PLCB1: variants seen among roughly 807,000 people sequenced by gnomAD.
The protein encoded by PLCB1 is 1-phosphatidylinositol 4,5-bisphosphate phosphodiesterase beta-1.
In PLCB1, 46 loss-of-function variants were observed where a neutral mutation model predicts 161.8. The ratio of observed to expected loss-of-function variants is 0.28; its 90% CI spans 0.22 to 0.36. PLCB1 has a LOEUF of 0.36. Ranked by LOEUF, PLCB1 falls within the 10% of genes least tolerant of loss-of-function variation. The pLI is 1.00. For missense variants in PLCB1, 1,016 were observed against 1,472.5 expected (o/e 0.69, Z 5.07); for synonymous variants, 517 against 503.7 (o/e 1.03, Z -0.35).
intron 2 of PLCB1, among the ~76,000 whole-genome samples, chr20:8,174,486 G>A (rs1056334673): frequency 1.3e-5 from 2 of 152,050 alleles, no homozygotes; most frequent in African/African-American, 4.8e-5. Flanking sequence ...AAACAGAAAG[G>A]AAAGTATAGA....
intron 2 of PLCB1, among the ~76,000 whole-genome samples, chr20:8,275,250 AGTGTGTGTGTGTGT>A (rs3031931): frequency 6.9e-6 from 1 of 145,372 alleles, no homozygotes; most frequent in Non-Finnish European, 1.5e-5. Flanking sequence ...CATCAGCGTG[AGTGTGTGTGTGTGT>A]GTGTGTGTGT....
At chr20:8,466,352 T>A (rs987023069) in intron 3 of PLCB1, among the ~76,000 whole-genome samples, 1 of 146,368 alleles carries the variant, frequency 6.8e-6, no homozygotes, top group African/African-American at 2.5e-5. Context: ...AGGGATAGCA[T>A]TGGGAGATAT....
intron 3 of PLCB1, among the ~76,000 whole-genome samples, chr20:8,378,649 A>C (rs2122376184): frequency 6.6e-6 from 1 of 152,350 alleles, no homozygotes; most frequent in East Asian, 1.9e-4. Context: ...TCTTAAAATA[A>C]GACAACAGTG....
At chr20:8,830,336 T>A (rs1024517257) in intron 31 of PLCB1, among the ~76,000 whole-genome samples, 1 of 152,220 alleles carries the variant, frequency 6.6e-6, no homozygotes, top group African/African-American at 2.4e-5. Context: ...ATCAAGGGCT[T>A]GGAGCTTTAT....
intron 2 of PLCB1, among the ~76,000 whole-genome samples, chr20:8,223,501 C>T (rs934988008): frequency 6.6e-6 from 1 of 152,060 alleles, no homozygotes; most frequent in African/African-American, 2.4e-5. Context: ...TGACTGCTTA[C>T]TACTGATTGT....
At chr20:8,298,611 A>T (rs918649563) in intron 2 of PLCB1, among the ~76,000 whole-genome samples, 3 of 151,198 alleles carry the variant, frequency 2.0e-5, no homozygotes, top group Admixed American at 1.3e-4. Context: ...TTTTTCCTCA[A>T]CATGTAATGA....
At chr20:8,332,393 A>G (rs1985398001) in intron 2 of PLCB1, among the ~76,000 whole-genome samples, 3 of 152,266 alleles carry the variant, frequency 2.0e-5, no homozygotes, top group South Asian at 4.1e-4. Context: ...CAAAATACAT[A>G]GAATTTCAAT....
At chr20:8,315,716 C>CTGCCT in intron 2 of PLCB1, among the ~76,000 whole-genome samples, 1 of 152,140 alleles carries the variant, frequency 6.6e-6, no homozygotes, top group Non-Finnish European at 1.5e-5. Context: ...GTCTTGCTTA[C>CTGCCT]ATATTTCCTG....
intron 3 of PLCB1, among the ~76,000 whole-genome samples, chr20:8,435,250 C>G (rs886109055): frequency 2.6e-5 from 4 of 151,908 alleles, no homozygotes; most frequent in African/African-American, 7.3e-5. Context: ...TGTGGTAGAC[C>G]TAATTCTGAG....
chr20:8,411,371 A>T (rs868651089), intron 3 of PLCB1, among the ~76,000 whole-genome samples: 3 of 152,222 alleles, frequency 2.0e-5, no homozygotes, highest in African/African-American at 4.8e-5. Flanking sequence ...TTACCTTTTT[A>T]AAAAATGTGA....
intron 3 of PLCB1, among the ~76,000 whole-genome samples, chr20:8,396,134 T>C (rs1270901699): frequency 6.6e-6 from 1 of 152,106 alleles, no homozygotes; most frequent in East Asian, 1.9e-4. Flanking sequence ...AAGTTGAGCT[T>C]GTTTCTCTGG....
chr20:8,338,088 G>A (rs982661677), intron 2 of PLCB1, among the ~76,000 whole-genome samples: 1 of 152,180 alleles, frequency 6.6e-6, no homozygotes, highest in African/African-American at 2.4e-5. Flanking sequence ...TGTGAAGGCA[G>A]TGGCGGTACT....
intron 2 of PLCB1, among the ~76,000 whole-genome samples, chr20:8,211,535 A>G (rs1211275510): frequency 6.6e-6 from 1 of 152,148 alleles, no homozygotes; most frequent in African/African-American, 2.4e-5. Flanking sequence ...GGTTCTCTAC[A>G]TATAATTACA....
intron 3 of PLCB1, among the ~76,000 whole-genome samples, chr20:8,603,161 T>G (rs1247309765): frequency 6.6e-6 from 1 of 152,234 alleles, no homozygotes; most frequent in Non-Finnish European, 1.5e-5. Context: ...ATTAGCATAC[T>G]TGTTATTTAA....
At chr20:8,839,254 G>T (rs1282383366) in intron 31 of PLCB1, among the ~76,000 whole-genome samples, 3 of 152,162 alleles carry the variant, frequency 2.0e-5, no homozygotes, top group Non-Finnish European at 4.4e-5. Context: ...CTGAAGTGAA[G>T]GATAAGATAT....
At chr20:8,789,765 A>C (rs1983662132) in intron 30 of PLCB1, among the ~76,000 whole-genome samples, 190 bp downstream of exon 30, 1 of 152,230 alleles carries the variant, frequency 6.6e-6, no homozygotes, top group South Asian at 2.1e-4. Context: ...ACCACTTTGT[A>C]AAAGGATTCA....
At chr20:8,354,437 A>G (rs1305703873) in intron 2 of PLCB1, among the ~76,000 whole-genome samples, 3 of 152,162 alleles carry the variant, frequency 2.0e-5, no homozygotes, top group Admixed American at 2.0e-4. Context: ...AGGAAAGAAA[A>G]CACCTGTTTA....
At position 8,765,280 on chromosome 20, in the gene PLCB1, A is replaced by C. The variant is rs774148980; in HGVS notation, c.2852A>C (p.Lys951Thr). 1 of 1,614,164 alleles carries C rather than the reference A, an allele frequency of 6.2e-7. No homozygotes were observed. Among genetic ancestry groups the C allele is most frequent in the Non-Finnish European group, 8.5e-7 (1 of 1,179,962 alleles). The stretch of plus-strand genomic sequence containing the variant: ...GACCTTATCAAAGAACACACTACCA[A>C]GTATAATGAAATTCAGAATGACTAC... ...TTDLIKEHTT[K>T]YNEIQNDYLR... The change falls in exon 26 of 32, where the codon AAG becomes ACG. Residue 951 changes from lysine (K) to threonine (T), a missense_variant. This residue lies in a region of PLCB1 where 398 missense variants were observed against 445.4 expected (regional missense o/e 0.89). Transcript: ENST00000338037.
chr20:8,817,599 A>G (rs1600351945), intron 31 of PLCB1, among the ~76,000 whole-genome samples: 1 of 152,220 alleles, frequency 6.6e-6, no homozygotes, highest in African/African-American at 2.4e-5. Context: ...CTCATCCTGG[A>G]AATCCTCTGG....
Sources: gnomAD v4.1 joint callset for allele counts (sites outside exome capture counted in the v4.1 genomes callset) on GRCh38, gnomAD v4.1.1 for gene constraint, gnomAD v4.1.1 regional missense constraint, MANE v1.5 for transcripts, NCBI Gene and HGNC (gene_info 2026-07-23, HGNC 2026-07-21) for gene names.